Variants in TPST1 observed in about 807,000 individuals in gnomAD.
TPST1 encodes protein-tyrosine sulfotransferase 1.
A neutral mutation model predicts 34.8 loss-of-function variants in TPST1; 20 were observed. That is an observed-to-expected ratio of 0.57 (90% CI 0.40 to 0.84). The LOEUF (loss-of-function observed/expected upper bound fraction) is 0.84. Ranked by LOEUF, TPST1 falls within the 40% of genes least tolerant of loss-of-function variation. TPST1 has a pLI of 0.00. For synonymous variants in TPST1, 152 were observed against 159.4 expected (o/e 0.95, Z 0.35); for missense variants, 353 against 455.5 (o/e 0.78, Z 2.05).
chr7:66,302,068 G>T (rs1025041121), intron 3 of TPST1, among the ~76,000 whole-genome samples: 4 of 152,208 alleles, frequency 2.6e-5, no homozygotes, highest in African/African-American at 9.7e-5. Flanking sequence ...TAACAGAGGG[G>T]TAGAGAATGA....
At chr7:66,219,709 G>A (rs1352163635) in intron 1 of TPST1, among the ~76,000 whole-genome samples, 1 of 152,176 alleles carries the variant, frequency 6.6e-6, no homozygotes, top group African/African-American at 2.4e-5. Context: ...TACTTCATTT[G>A]CACCATAATT....
chr7:66,349,629 A>G (rs1446508324), intron 3 of TPST1, among the ~76,000 whole-genome samples: 2 of 152,152 alleles, frequency 1.3e-5, no homozygotes, highest in Non-Finnish European at 2.9e-5. Flanking sequence ...ACCCACTGAC[A>G]AGAGAAGAGG....
At chr7:66,231,754 C>T (rs1174197185) in intron 1 of TPST1, among the ~76,000 whole-genome samples, 1 of 152,250 alleles carries the variant, frequency 6.6e-6, no homozygotes, top group Non-Finnish European at 1.5e-5. Context: ...AGGGAGCCGG[C>T]TCCAGCCTTG....
Position 66,240,647 on chromosome 7 carries a change from T to C in TPST1, c.222T>C (p.Ile74=). 6.2e-7 allele frequency: 1 copy of C among 1,614,238 alleles called. No homozygotes were observed. The highest frequency in any genetic ancestry group is 8.5e-7 in the Non-Finnish European group (1 of 1,180,040). Residue 74 remains isoleucine (I), a synonymous_variant, in exon 2 of 6, where the codon ATT becomes ATC. Transcript: ENST00000304842. The stretch of plus-strand genomic sequence containing the variant: ...ACAAAGATATGCCTTTAATATTTAT[T>C]GGAGGTGTGCCTCGGAGTGGAACCA... ...AYHKDMPLIF[I]GGVPRSGTTL... is the part of the protein sequence containing the mutation.
At position 66,275,428 on chromosome 7, in the gene TPST1, A is replaced by G. The variant is rs140432881; in HGVS notation, c.846-11083A>G. On this transcript the variant is annotated intron_variant, in intron 2 of 5. Transcript: ENST00000304842. ...ATGTGGTAGATATACCTGCACTCAC[A>G]TGTTCATTACAGCACTATTCACAAT... 5.3e-3 allele frequency among the ~76,000 whole-genome samples: 804 copies of G among 152,294 alleles called. 10 individuals carry two copies. The highest frequency in any genetic ancestry group is 0.018 in the African/African-American group (748 of 41,556).
intron 2 of TPST1, among the ~76,000 whole-genome samples, chr7:66,268,637 T>C (rs1432537385): frequency 1.3e-5 from 2 of 151,972 alleles, no homozygotes; most frequent in Admixed American, 6.6e-5. Flanking sequence ...CTTTGCAATA[T>C]TGATGAAAAT....
chr7:66,350,465 C>T (rs950530941), intron 3 of TPST1, among the ~76,000 whole-genome samples: 6 of 151,780 alleles, frequency 4.0e-5, no homozygotes, highest in African/African-American at 1.5e-4. Flanking sequence ...TGCACCTCCA[C>T]GGAAATACCT....
At chr7:66,241,998 A>G (rs896170206) in intron 2 of TPST1, among the ~76,000 whole-genome samples, 1 of 152,212 alleles carries the variant, frequency 6.6e-6, no homozygotes, top group African/African-American at 2.4e-5. Flanking sequence ...AAAATTTGGA[A>G]GCCTAATCCA....
intron 2 of TPST1, among the ~76,000 whole-genome samples, chr7:66,251,550 T>A (rs1247860388): frequency 6.6e-6 from 1 of 152,174 alleles, no homozygotes; most frequent in Non-Finnish European, 1.5e-5. Context: ...AGTCTTGAAG[T>A]CATGAAATGT....
chr7:66,338,081 G>A (rs1792158273), intron 3 of TPST1, among the ~76,000 whole-genome samples: 2 of 152,124 alleles, frequency 1.3e-5, no homozygotes, highest in Non-Finnish European at 2.9e-5. Context: ...CCATATGCTG[G>A]CTACAAGAAA....
chr7:66,320,272 G>A (rs1791725873), intron 3 of TPST1, among the ~76,000 whole-genome samples: 1 of 139,746 alleles, frequency 7.2e-6, no homozygotes, highest in East Asian at 2.1e-4. Flanking sequence ...TTTTGAGACG[G>A]AGTCTTGCTC....
intron 3 of TPST1, among the ~76,000 whole-genome samples, chr7:66,318,019 C>T (rs533212023): frequency 4.9e-4 from 74 of 152,056 alleles, no homozygotes; most frequent in Non-Finnish European, 9.1e-4. Flanking sequence ...ATTAGCCAGG[C>T]GGGGTGGCAG....
chr7:66,257,341 A>G (rs1450902926), intron 2 of TPST1, among the ~76,000 whole-genome samples: 1 of 152,248 alleles, frequency 6.6e-6, no homozygotes, highest in Non-Finnish European at 1.5e-5. Flanking sequence ...AGGGTGGAAC[A>G]GGCATGGGAT....
chr7:66,336,841 C>T (rs1218843874), intron 3 of TPST1, among the ~76,000 whole-genome samples: 1 of 152,140 alleles, frequency 6.6e-6, no homozygotes, highest in African/African-American at 2.4e-5. Context: ...AGAAAGATTA[C>T]TCAAGGCAGC....
intron 4 of TPST1, among the ~76,000 whole-genome samples, chr7:66,354,627 C>T (rs1792547154): frequency 6.6e-6 from 1 of 151,722 alleles, no homozygotes; most frequent in African/African-American, 2.4e-5. Flanking sequence ...AAGGGACACT[C>T]CTGCTTCACA....
intron 3 of TPST1, among the ~76,000 whole-genome samples, chr7:66,296,247 TCCC>T (rs1554349788): frequency 1.7e-4 from 7 of 40,118 alleles, no homozygotes; most frequent in African/African-American, 2.6e-4. Context: ...CACCCACCCT[TCCC>T]CCCCCCCTCC....
At chr7:66,271,134 A>G (rs77238778) in intron 2 of TPST1, among the ~76,000 whole-genome samples, 80 of 152,178 alleles carry the variant, frequency 5.3e-4, no homozygotes, top group African/African-American at 1.8e-3. Flanking sequence ...ATCTGTTGCA[A>G]TTAGCATTTT....
intron 1 of TPST1, among the ~76,000 whole-genome samples, chr7:66,217,906 G>A (rs147200729): frequency 1.2e-4 from 18 of 150,392 alleles, no homozygotes; most frequent in African/African-American, 3.4e-4. Flanking sequence ...TTGAGATGGA[G>A]TCTGACCCTG....
Position 66,240,332 on chromosome 7 carries a change from T to G in TPST1, c.-94T>G, listed in dbSNP as rs1399326325. 3.2e-5 allele frequency: 46 copies of G among 1,437,712 alleles called. No individual in the cohort carries two copies. Among genetic ancestry groups the G allele is most frequent in the Non-Finnish European group, 4.2e-5 (45 of 1,079,176 alleles). 89.1% of individuals were successfully genotyped at this position (1,437,712 alleles called of 1,614,324 possible). A position where few individuals can be genotyped will look rare whatever the true frequency, so the allele number is the denominator to read the frequency against. ...TTTTCCTTTCTCTACTAGATGTTGG[T>G]TATCTTTCTGAAGTAGACTGTCCAT... On this transcript the variant is annotated 5_prime_UTR_variant, in exon 2 of 6. Coordinates refer to ENST00000304842, the MANE Select transcript of TPST1 (RefSeq NM_003596.4).
Sources: gnomAD v4.1 joint callset for allele counts (sites outside exome capture counted in the v4.1 genomes callset) on GRCh38, gnomAD v4.1.1 for gene constraint, MANE v1.5 for transcripts, NCBI Gene and HGNC (gene_info 2026-07-23, HGNC 2026-07-21) for gene names.